The following PI4KA variants were observed in gnomAD, a reference collection of about 807,000 sequenced individuals.
The protein encoded by PI4KA is PI4-kinase alpha.
PI4KA carries 122 observed loss-of-function variants against 271.4 expected under a neutral mutation model. That is an observed-to-expected ratio of 0.45 (90% CI 0.39 to 0.52). PI4KA has a LOEUF of 0.52. Among genes scored for constraint, PI4KA ranks in the 20% least tolerant of loss-of-function variants. The pLI is 0.00. For missense variants in PI4KA, 1,969 were observed against 2,769.1 expected (o/e 0.71, Z 6.48); for synonymous variants, 1,041 against 1,078.8 (o/e 0.96, Z 0.69).
chr22:20,839,554 A>T (rs1194689052), intron 1 of PI4KA, among the ~76,000 whole-genome samples: 1 of 152,250 alleles, frequency 6.6e-6, no homozygotes, highest in Non-Finnish European at 1.5e-5. Flanking sequence ...ATGCATGGCC[A>T]GGAGCGGTGG....
At position 20,765,184 on chromosome 22, in the gene PI4KA, G is replaced by A; in HGVS notation, c.2490C>T (p.Ser830=). The part of the protein sequence containing the change: ...YEGVCEIATK[S]PLLTFPSKEP... Reference sequence around the variant, plus strand: ...CCTTGCTGGGAAAGGTGAGCAAGGGGGACTTAGTGGCTATTTCACAGACCC... The same window carrying A: ...CCTTGCTGGGAAAGGTGAGCAAGGGAGACTTAGTGGCTATTTCACAGACCC... The change falls in exon 21 of 55, where the codon TCC becomes TCT. Residue 830 remains serine, a synonymous_variant. Transcript: ENST00000255882. 1.9e-6 allele frequency: 3 copies of A among 1,613,840 alleles called. No individual in the cohort carries two copies. Among genetic ancestry groups the A allele is most frequent in the Non-Finnish European group, 2.5e-6 (3 of 1,179,822 alleles).
intron 45 of PI4KA, among the ~76,000 whole-genome samples, chr22:20,715,950 G>A (rs1925946467): frequency 1.3e-5 from 2 of 152,120 alleles, no homozygotes; most frequent in Non-Finnish European, 2.9e-5. Flanking sequence ...GAGTGCAGTG[G>A]TGCAATCTCG....
chr22:20,770,289 G>A (rs180934158), intron 19 of PI4KA, among the ~76,000 whole-genome samples: 14 of 151,550 alleles, frequency 9.2e-5, no homozygotes, highest in Admixed American at 8.6e-4. Flanking sequence ...GAGGCGGGCA[G>A]ATCATCTGAG....
chr22:20,771,413 ACT>A (rs907530347), intron 19 of PI4KA, among the ~76,000 whole-genome samples: 4 of 148,666 alleles, frequency 2.7e-5, no homozygotes, highest in Non-Finnish European at 6.0e-5. Flanking sequence ...ACAGAGCGAG[ACT>A]CTGTCTCAAA....
intron 1 of PI4KA, among the ~76,000 whole-genome samples, chr22:20,857,143 T>C (rs1394470738): frequency 1.3e-5 from 2 of 152,230 alleles, no homozygotes; most frequent in Non-Finnish European, 2.9e-5. Flanking sequence ...AATACTCCTA[T>C]GAAGTACTAC....
rs532057846 is a variant in PI4KA, at chr22:20,751,556, A to G, written c.3069+118T>C. ...TCACCCCCAACTCGACACCTGTAGC[A>G]TTAATTATGTTCAGGCTTATTGTCA... On this transcript the variant is annotated intron_variant, in intron 26 of 54. Coordinates refer to ENST00000255882, the MANE Select transcript of PI4KA (RefSeq NM_058004.4). 1.2e-5 allele frequency: 12 copies of G among 1,011,490 alleles called. No individual in the cohort carries two copies. The East Asian group carries it at 2.2e-4, about 18-fold the overall frequency. 62.7% of individuals were successfully genotyped at this position (1,011,490 alleles called of 1,614,324 possible). A position where few individuals can be genotyped will look rare whatever the true frequency, so the allele number is the denominator to read the frequency against.
In PI4KA at chr22:20,790,699, A is replaced by AACAAAC. The variant is rs1555896153; in HGVS notation, c.2328+2493_2328+2494insGTTTGT. The stretch of plus-strand genomic sequence containing the variant: ...AAAATAAAAAAATTTAAAAAAAACA[A>AACAAAC]ACACACACACACACACACACACACA... On this transcript the variant is annotated intron_variant, in intron 19 of 54. Transcript: ENST00000255882. Among the ~76,000 whole-genome samples the AACAAAC allele has an allele frequency of 2.9e-5, 4 of 139,386 alleles. No individual in the cohort carries two copies. In the South Asian group the frequency reaches 7.2e-4, roughly 25 times the overall value. 91.4% of individuals were successfully genotyped at this position (139,386 alleles called of 152,430 possible).
Position 20,808,349 on chromosome 22 carries a change from G to A in PI4KA, c.1072-891C>T, listed in dbSNP as rs183545215. On this transcript the variant is annotated intron_variant, in intron 9 of 54. Coordinates refer to ENST00000255882, the MANE Select transcript of PI4KA (RefSeq NM_058004.4). ...GCCTGTAATCCCAGCACTTTGGGAG[G>A]CCAAGGCGGGTGGATCACGAGATCA... Among the ~76,000 whole-genome samples the A allele has an allele frequency of 2.8e-3, 431 of 151,922 alleles. 2 individuals are homozygous for A. Among genetic ancestry groups the A allele is most frequent in the African/African-American group, 9.2e-3 (383 of 41,448 alleles).
chr22:20,839,096 C>T (rs937927527), intron 1 of PI4KA, among the ~76,000 whole-genome samples: 13 of 152,026 alleles, frequency 8.6e-5, no homozygotes, highest in Non-Finnish European at 7.4e-5. Flanking sequence ...GCACACCTAT[C>T]GTCCCAGCTA....
chr22:20,786,006 C>A (rs1569031502), intron 19 of PI4KA: 7 of 1,614,156 alleles, frequency 4.3e-6, no homozygotes, highest in Non-Finnish European at 4.2e-6. Flanking sequence ...CTGTCTAGAA[C>A]TCGAGAAGTG....
At chr22:20,803,138 A>G (rs1601532581) in intron 13 of PI4KA, 53 bp downstream of exon 13, 6 of 1,593,472 alleles carry the variant, frequency 3.8e-6, no homozygotes, top group Admixed American at 1.7e-5. Flanking sequence ...AGGCTCACAC[A>G]CAGTCACAGA....
chr22:20,808,943 G>A (rs997108632), intron 9 of PI4KA, among the ~76,000 whole-genome samples: 4 of 152,176 alleles, frequency 2.6e-5, no homozygotes, highest in African/African-American at 9.7e-5. Context: ...TGCAGTGTGA[G>A]GTTGACAGAG....
At chr22:20,815,939 CT>C (rs371208616) in intron 7 of PI4KA, among the ~76,000 whole-genome samples, 14,812 of 145,922 alleles carry the variant, frequency 0.1, 717 homozygotes, top group Non-Finnish European at 0.12. Context: ...ATTGAAACTT[CT>C]TTTTTTTTTT....
chr22:20,744,805 G>A, intron 29 of PI4KA, 85 bp from the exon 30 acceptor site: 2 of 1,072,684 alleles, frequency 1.9e-6, no homozygotes, highest in Non-Finnish European at 2.8e-6. Flanking sequence ...ACCCAATGAA[G>A]CAGTCACACT....
rs376285331 is a variant in PI4KA, at chr22:20,751,615, C to T, written c.3069+59G>A. On this transcript the variant is annotated intron_variant, in intron 26 of 54. Coordinates refer to ENST00000255882, the MANE Select transcript of PI4KA (RefSeq NM_058004.4). ...TGCCACAACACAGGGCGGACAGGGC[C>T]GGCGGGGTGGTGGTAGAGCGGGTGG... 383 of 1,386,020 alleles carry T rather than the reference C, an allele frequency of 2.8e-4. 1 individual carries two copies. In the African/African-American group the frequency reaches 4.7e-3, roughly 17 times the overall value. 85.9% of individuals were successfully genotyped at this position (1,386,020 alleles called of 1,614,324 possible).
chr22:20,858,467 G>A (rs1201136496), intron 1 of PI4KA, 103 bp downstream of exon 1: 5 of 847,960 alleles, frequency 5.9e-6, no homozygotes, highest in East Asian at 3.4e-5. Flanking sequence ...ACAGGCTGCC[G>A]GCGAGCCCAG....
At chr22:20,769,234 T>C (rs1486236782) in intron 19 of PI4KA, among the ~76,000 whole-genome samples, 1 of 152,224 alleles carries the variant, frequency 6.6e-6, no homozygotes, top group Admixed American at 6.5e-5. Context: ...CCCTGTGAAC[T>C]TCTTGGCTCC....
In PI4KA at chr22:20,730,062, T is replaced by C. The variant is rs371387274; in HGVS notation, c.4289-51A>G. 4.8e-5 allele frequency: 77 copies of C among 1,598,508 alleles called. 2 individuals carry two copies. The Middle Eastern group carries it at 6.7e-4, about 14-fold the overall frequency. Reference sequence around the variant, plus strand: ...TAGAGTGAGGTGGCTCAAGAAAAGGTACCACAAAAAATAAACTACTATTCA... The same window carrying C: ...TAGAGTGAGGTGGCTCAAGAAAAGGCACCACAAAAAATAAACTACTATTCA... On this transcript the variant is annotated intron_variant, in intron 36 of 54. Transcript: ENST00000255882.
At chr22:20,828,814 A>G (rs572104017) in intron 3 of PI4KA, among the ~76,000 whole-genome samples, 10 of 152,090 alleles carry the variant, frequency 6.6e-5, no homozygotes, top group Non-Finnish European at 1.3e-4. Flanking sequence ...CGGCCTCCCA[A>G]AGTGCTGGGA....
Sources: gnomAD v4.1 joint callset for allele counts (sites outside exome capture counted in the v4.1 genomes callset) on GRCh38, gnomAD v4.1.1 for gene constraint, MANE v1.5 for transcripts, NCBI Gene and HGNC (gene_info 2026-07-23, HGNC 2026-07-21) for gene names.